CCDC85C: variants seen among roughly 807,000 people sequenced by gnomAD.
The protein encoded by CCDC85C is coiled-coil domain containing 85C.
Under a neutral mutation model 38.3 loss-of-function variants are expected in CCDC85C, and 18 were observed. The observed-to-expected ratio is 0.47, with a 90% CI of 0.33 to 0.70. The LOEUF is 0.70. CCDC85C is among the 30% of genes least tolerant of loss of function. The pLI, the probability that CCDC85C is intolerant of heterozygous loss-of-function variation, is 0.03. For missense variants in CCDC85C, 566 were observed against 621.2 expected (o/e 0.91, Z 0.94); for synonymous variants, 264 against 293.8 (o/e 0.90, Z 1.04).
chr14:99,589,029 A>G (rs1189768723), intron 1 of CCDC85C, among the ~76,000 whole-genome samples: 3 of 150,042 alleles, frequency 2.0e-5, no homozygotes, highest in Admixed American at 6.7e-5. Context: ...TTTTCATGAA[A>G]ACATCGACCC....
rs980833325 is a variant in CCDC85C at position 99,576,765 on chromosome 14, T to C, written c.793+26402A>G. Among the ~76,000 whole-genome samples, 3 of 152,098 alleles carry C rather than the reference T, an allele frequency of 2.0e-5. No individual in the cohort carries two copies. The highest frequency in any genetic ancestry group is 7.2e-5 in the African/African-American group (3 of 41,414). On this transcript the variant is annotated intron_variant, in intron 1 of 5. Transcript: ENST00000380243. This position sits in a 1 kb window ranked among gnomAD's most constrained non-coding sequence, Gnocchi z 4.8. ...TCCAGGTTTACAATCTTCCTACCCA[T>C]GACACCCTGGGGATTCAGAGGGTGG...
intron 3 of CCDC85C, among the ~76,000 whole-genome samples, chr14:99,517,389 C>T (rs1897244355): frequency 6.6e-6 from 1 of 152,188 alleles, no homozygotes; most frequent in Non-Finnish European, 1.5e-5. Flanking sequence ...AGGTCTTCTG[C>T]AGATGAAATG....
At chr14:99,593,036 G>A (rs2055104520) in intron 1 of CCDC85C, among the ~76,000 whole-genome samples, 3 of 152,344 alleles carry the variant, frequency 2.0e-5, no homozygotes, top group African/African-American at 4.8e-5. Context: ...TAAGCAGCCG[G>A]GAAACAGAGC....
intron 1 of CCDC85C, among the ~76,000 whole-genome samples, chr14:99,542,203 G>A (rs1263490731): frequency 6.6e-6 from 1 of 152,242 alleles, no homozygotes; most frequent in Non-Finnish European, 1.5e-5. Context: ...CAGCCTCAGG[G>A]CTGGTGGCTC....
chr14:99,568,341 G>T (rs183497528), intron 1 of CCDC85C, among the ~76,000 whole-genome samples: 2 of 145,720 alleles, frequency 1.4e-5, no homozygotes, highest in African/African-American at 2.6e-5. Flanking sequence ...TAGTCTCATG[G>T]GTTCATGCGC....
chr14:99,537,212 G>A (rs1372182865), intron 1 of CCDC85C, among the ~76,000 whole-genome samples: 8 of 152,136 alleles, frequency 5.3e-5, no homozygotes, highest in South Asian at 2.1e-4. Flanking sequence ...ACAACAGGAC[G>A]CAGGGTCTTC....
intron 1 of CCDC85C, among the ~76,000 whole-genome samples, chr14:99,566,971 A>G (rs959940927): frequency 1.3e-5 from 2 of 152,174 alleles, no homozygotes; most frequent in African/African-American, 4.8e-5. Context: ...GTACACCCAG[A>G]AAACCAGAAG....
At chr14:99,550,760 G>A (rs1016931916) in intron 1 of CCDC85C, among the ~76,000 whole-genome samples, 2 of 152,134 alleles carry the variant, frequency 1.3e-5, no homozygotes, top group African/African-American at 4.8e-5. Flanking sequence ...CTAACTGTCC[G>A]ACCTTGATGG....
intron 1 of CCDC85C, among the ~76,000 whole-genome samples, chr14:99,593,164 C>A (rs1432046526): frequency 2.0e-5 from 3 of 152,248 alleles, no homozygotes; most frequent in Non-Finnish European, 4.4e-5. Flanking sequence ...GGGCCCCACA[C>A]AATCGGGCCC....
intron 3 of CCDC85C, among the ~76,000 whole-genome samples, chr14:99,518,542 C>T (rs997534761): frequency 2.6e-5 from 4 of 151,852 alleles, no homozygotes; most frequent in Non-Finnish European, 5.9e-5. Context: ...CCAACAGGGA[C>T]GCTGGGGATT....
intron 1 of CCDC85C, among the ~76,000 whole-genome samples, chr14:99,564,035 T>A (rs1566775235): frequency 6.6e-6 from 1 of 152,172 alleles, no homozygotes; most frequent in East Asian, 1.9e-4. Context: ...ATTTCCAGCC[T>A]ACATGTACAC....
chr14:99,507,095 C>T lies in CCDC85C; in HGVS notation c.*8151G>A. ...TTGTAGAACCACCACCACCTAAAAT[C>T]CCCAAAATTGAGACCACTCATCCAC... On this transcript the variant is annotated 3_prime_UTR_variant, in exon 6 of 6. Coordinates refer to ENST00000380243, the MANE Select transcript of CCDC85C (RefSeq NM_001144995.2). 1.9e-6 allele frequency: 3 copies of T among 1,610,712 alleles called. 1 individual carries two copies. The South Asian group carries it at 3.3e-5, about 18-fold the overall frequency.
chr14:99,522,391 C>T (rs1420209032), intron 2 of CCDC85C, 151 bp from the exon 3 acceptor site: 2 of 564,532 alleles, frequency 3.5e-6, no homozygotes, highest in Non-Finnish European at 6.3e-6. Flanking sequence ...TTATCCATCC[C>T]CCGAGCCGGG....
At chr14:99,551,095 C>T (rs1341967091) in intron 1 of CCDC85C, among the ~76,000 whole-genome samples, 12 of 152,220 alleles carry the variant, frequency 7.9e-5, no homozygotes, top group Admixed American at 7.9e-4. Context: ...GCATGAAGTA[C>T]TGGAACCACT....
rs988483418 is a variant in CCDC85C, at chr14:99,520,645, A to G, written c.975+1488T>C. Among the ~76,000 whole-genome samples the G allele has an allele frequency of 3.9e-5, 6 of 152,032 alleles. No homozygotes were observed. The highest frequency in any genetic ancestry group is 8.8e-5 in the Non-Finnish European group (6 of 67,992). On this transcript the variant is annotated intron_variant, in intron 3 of 5. Transcript: ENST00000380243. This position sits in a 1 kb window ranked among gnomAD's most constrained non-coding sequence, Gnocchi z 4.1. ...GATCATGGCCCCTGAACCTCAGTTT[A>G]TCACCCGGCCTCCTGGCCTCATGGA...
At chr14:99,517,392 A>C (rs1158571804) in intron 3 of CCDC85C, among the ~76,000 whole-genome samples, 1 of 152,116 alleles carries the variant, frequency 6.6e-6, no homozygotes, top group East Asian at 1.9e-4. Flanking sequence ...TCTTCTGCAG[A>C]TGAAATGGTC....
intron 1 of CCDC85C, among the ~76,000 whole-genome samples, chr14:99,547,677 G>A (rs2139933356): frequency 6.6e-6 from 1 of 152,116 alleles, no homozygotes; most frequent in Non-Finnish European, 1.5e-5. Flanking sequence ...AGGAGGCTGA[G>A]GCAGGAAAAT....
At position 99,517,184 on chromosome 14, in the gene CCDC85C, C is replaced by G. The variant is rs1184636714; in HGVS notation, c.976-1G>C. The G allele has an allele frequency of 1.9e-6, 3 of 1,539,472 alleles. No individual in the cohort carries two copies. Among genetic ancestry groups the G allele is most frequent in the Non-Finnish European group, 2.6e-6 (3 of 1,141,254 alleles). On this transcript the variant is annotated splice_acceptor_variant, in intron 3 of 5. Coordinates refer to ENST00000380243, the MANE Select transcript of CCDC85C (RefSeq NM_001144995.2). LOFTEE classifies it high-confidence loss of function. ...GCTCAGGTGCGGGGCAGGCCGGGCC[C>G]TGGGGAAGGCAATCACACATCTCAG... is the stretch of plus-strand genomic sequence containing the variant.
chr14:99,503,756 T>G lies in CCDC85C; in HGVS notation c.*11490A>C, dbSNP rs897716013. The G allele has an allele frequency of 1.1e-6, 1 of 892,914 alleles. No homozygotes were observed. The highest frequency in any genetic ancestry group is 1.7e-6 in the Non-Finnish European group (1 of 579,708). The allele number at this position is 892,914 out of a possible 1,614,324, so 55.3% of individuals were successfully genotyped here. On this transcript the variant is annotated 3_prime_UTR_variant, in exon 6 of 6. Transcript: ENST00000380243. ...CTAAATTGGCCTTAAATCTTAACTTTAGAGCTCATACAAAACTTTTCCATC... is the reference window on the plus strand; with the variant it reads ...CTAAATTGGCCTTAAATCTTAACTTGAGAGCTCATACAAAACTTTTCCATC...
Sources: allele counts gnomAD v4.1 joint callset (sites outside exome capture counted in the v4.1 genomes callset), GRCh38; gene constraint gnomAD v4.1.1; non-coding constraint Gnocchi (gnomAD v3.1); transcripts MANE v1.5; gene names NCBI Gene and HGNC (gene_info 2026-07-23, HGNC 2026-07-21).